Variants in HDAC1 observed in about 807,000 individuals in gnomAD.
HDAC1 encodes protein deacetylase HDAC1.
Under a neutral mutation model 65.5 loss-of-function variants are expected in HDAC1, and 18 were observed. The observed-to-expected ratio is 0.27, with a 90% confidence interval of 0.19 to 0.41. The LOEUF (loss-of-function observed/expected upper bound fraction) is 0.41, where lower values mean the gene tolerates loss of function less well. Among genes scored for constraint, HDAC1 ranks in the 10% least tolerant of loss-of-function variants. The probability of loss-of-function intolerance (pLI) is 1.00; values close to 1 mark genes in which losing one functional copy is unlikely to be tolerated. For missense variants in HDAC1, 373 were observed against 625.2 expected, an observed-to-expected ratio of 0.60 and a Z score of 4.30; for synonymous variants, 211 against 227.9, an observed-to-expected ratio of 0.93 and a Z score of 0.67.
intron 1 of HDAC1, among the ~76,000 whole-genome samples, chr1:32,301,832 G>T (rs577585476): frequency 6.6e-6 from 1 of 152,302 alleles, no homozygotes; most frequent in South Asian, 2.1e-4. Flanking sequence ...TTGAGACCCA[G>T]CCTGGTCTTG....
At chr1:32,302,192 C>T (rs960859099) in intron 1 of HDAC1, among the ~76,000 whole-genome samples, 8 of 152,130 alleles carry the variant, frequency 5.3e-5, no homozygotes, top group African/African-American at 1.7e-4. Flanking sequence ...AGTAAGAAAA[C>T]GAAGTGAATG....
In HDAC1 at chr1:32,292,162, C is replaced by T; in HGVS notation, c.-8C>T. On this transcript the variant is annotated 5_prime_UTR_variant, in exon 1 of 14. Transcript: ENST00000373548. ...ACCGACTGACGGTAGGGACGGGAGG[C>T]GAGCAAGATGGCGCAGACGCAGGGC... 1 of 1,548,066 alleles carries T rather than the reference C, an allele frequency of 6.5e-7. No homozygotes were observed.
At chr1:32,315,693 G>A (rs948178477) in intron 2 of HDAC1, among the ~76,000 whole-genome samples, 3 of 150,934 alleles carry the variant, frequency 2.0e-5, no homozygotes, top group African/African-American at 4.9e-5. Context: ...TAGGCCGGGC[G>A]CAGTGGCTCA....
At chr1:32,328,152 G>A (rs1336355127) in intron 6 of HDAC1, among the ~76,000 whole-genome samples, 1 of 152,148 alleles carries the variant, frequency 6.6e-6, no homozygotes, top group East Asian at 1.9e-4. Flanking sequence ...ATGAACCTTA[G>A]GATAAGAATC....
chr1:32,309,321 A>G (rs1215941228), intron 2 of HDAC1, among the ~76,000 whole-genome samples: 3 of 152,162 alleles, frequency 2.0e-5, no homozygotes. Flanking sequence ...CTTAACTGAG[A>G]TTCTGAGAGG....
chr1:32,331,992 G>A lies in HDAC1; in HGVS notation c.1220-98G>A, dbSNP rs963469181. ...CCCTCTTCTGGTTCCCTTTCCCTTG[G>A]TGTCTCTTGGAGGACACGCAGGGAA... On this transcript the variant is annotated intron_variant, in intron 11 of 13. Transcript: ENST00000373548. The surrounding 1 kb of genome is among the most constrained non-coding windows in gnomAD (Gnocchi z 4.2). 1.3e-5 allele frequency: 18 copies of A among 1,426,972 alleles called. No homozygotes were observed. The highest frequency in any genetic ancestry group is 1.6e-5 in the Non-Finnish European group (17 of 1,071,102). The allele number at this position is 1,426,972 out of a possible 1,614,324, so 88.4% of individuals were successfully genotyped here.
chr1:32,326,656 AAT>A (rs369032243), intron 4 of HDAC1, among the ~76,000 whole-genome samples: 6 of 149,966 alleles, frequency 4.0e-5, no homozygotes, highest in Non-Finnish European at 5.9e-5. Context: ...TCATTAAAAA[AAT>A]ATATATATAT....
At chr1:32,321,163 G>A (rs1242547296) in intron 3 of HDAC1, among the ~76,000 whole-genome samples, 10 of 148,066 alleles carry the variant, frequency 6.8e-5, no homozygotes, top group African/African-American at 1.0e-4. Flanking sequence ...CCCAGGAGGC[G>A]GAGCTTGCAG....
At chr1:32,317,533 A>G (rs1641080724) in intron 3 of HDAC1, among the ~76,000 whole-genome samples, 1 of 152,160 alleles carries the variant, frequency 6.6e-6, no homozygotes, top group South Asian at 2.1e-4. Flanking sequence ...GTGTCAGAAA[A>G]TATGCGGCAC....
At chr1:32,321,944 G>A (rs1286915211) in intron 3 of HDAC1, among the ~76,000 whole-genome samples, 2 of 152,114 alleles carry the variant, frequency 1.3e-5, no homozygotes, top group African/African-American at 2.4e-5. Flanking sequence ...TACCCAGGAA[G>A]TGAGGAAGAG....
At chr1:32,307,218 G>A (rs1570011370) in intron 2 of HDAC1, among the ~76,000 whole-genome samples, 1 of 152,166 alleles carries the variant, frequency 6.6e-6, no homozygotes. Context: ...GCACTCTAGC[G>A]TGGGCAACAA....
intron 2 of HDAC1, among the ~76,000 whole-genome samples, chr1:32,305,179 C>G (rs1640895513): frequency 6.6e-6 from 1 of 152,080 alleles, no homozygotes; most frequent in Admixed American, 6.6e-5. Flanking sequence ...CATGTTGATA[C>G]CTGTAGCTGT....
At chr1:32,326,818 G>T in intron 4 of HDAC1, 121 bp from the exon 5 acceptor site, 1 of 984,902 alleles carries the variant, frequency 1.0e-6, no homozygotes. Context: ...ACTGGTCTAT[G>T]AATTGCACAA....
rs149021580 is a variant in HDAC1 at position 32,331,904 on chromosome 1, T to C, written c.1219+98T>C. On this transcript the variant is annotated intron_variant, in intron 11 of 13. Transcript: ENST00000373548. This position sits in a 1 kb window ranked among gnomAD's most constrained non-coding sequence, Gnocchi z 4.2. ...GCACACTCCCTCCAAGCTCCCCACC[T>C]GTAGAGAAATCTGTTTTCGAGTTCC... The C allele has an allele frequency of 5.4e-6, 8 of 1,477,024 alleles. No homozygotes were observed. In the Admixed American group the frequency reaches 1.3e-4, roughly 25 times the overall value. The allele number at this position is 1,477,024 out of a possible 1,614,324, so 91.5% of individuals were successfully genotyped here.
intron 1 of HDAC1, among the ~76,000 whole-genome samples, chr1:32,293,320 TAA>T (rs551512691): frequency 3.6e-3 from 435 of 121,530 alleles, no homozygotes; most frequent in African/African-American, 0.012. Context: ...GGCTCTGTCT[TAA>T]AAAAAAAAAA....
rs1641190399 is a variant in HDAC1 at position 32,324,531 on chromosome 1, G to A, written c.333G>A (p.Gln111=). 4 of 1,611,908 alleles carry A rather than the reference G, an allele frequency of 2.5e-6. No homozygotes were observed. Among genetic ancestry groups the A allele is most frequent in the Non-Finnish European group, 3.4e-6 (4 of 1,177,940 alleles). The change falls in exon 4 of 14, where the codon CAG becomes CAA. Residue 111 remains glutamine, a synonymous_variant. Coordinates refer to ENST00000373548, the MANE Select transcript of HDAC1 (RefSeq NM_004964.3). ...PVFDGLFEFC[Q]LSTGGSVASA... The stretch of plus-strand genomic sequence containing the variant: ...TCGATGGCCTGTTTGAGTTCTGTCA[G>A]TTGTCTACTGGTGGTTCTGTGGGTA...
intron 3 of HDAC1, among the ~76,000 whole-genome samples, chr1:32,319,263 T>C (rs1447652377): frequency 6.6e-6 from 1 of 152,018 alleles, no homozygotes; most frequent in Admixed American, 6.6e-5. Context: ...CTAATTAAAA[T>C]AATTAGGTCT....
chr1:32,333,039 GCCTGAATGGA>G lies in HDAC1; in HGVS notation c.1448_*8del. On this transcript the variant is annotated stop_lost and 3_prime_UTR_variant, in exon 14 of 14. Transcript: ENST00000373548. ...CAGGGTCAAGGAGGAGGTCAAGTTG[GCCTGAATGGA>G]CCTCTCCAGCTCTGGCTTCCTGCTG... 1 of 1,613,722 alleles carries G rather than the reference GCCTGAATGGA, an allele frequency of 6.2e-7. No homozygotes were observed.
At position 32,297,707 on chromosome 1, in the gene HDAC1, T is replaced by C. The variant is rs143974602; in HGVS notation, c.50-4914T>C. On this transcript the variant is annotated intron_variant, in intron 1 of 13. Coordinates refer to ENST00000373548, the MANE Select transcript of HDAC1 (RefSeq NM_004964.3). ...CTCACTGCAAGCTCTGCCTCCAGGG[T>C]TCATGCCATTCTCCTGCCTCAGCCT... Among the ~76,000 whole-genome samples, 592 of 151,582 alleles carry C rather than the reference T, an allele frequency of 3.9e-3. 2 individuals are homozygous for C. The highest frequency in any genetic ancestry group is 0.017 in the Middle Eastern group (5 of 290).
Sources: allele counts gnomAD v4.1 joint callset (sites outside exome capture counted in the v4.1 genomes callset), GRCh38; gene constraint gnomAD v4.1.1; non-coding constraint Gnocchi (gnomAD v3.1); transcripts MANE v1.5; gene names NCBI Gene and HGNC (gene_info 2026-07-23, HGNC 2026-07-21).